Variants in SGSM2 observed in about 807,000 individuals in gnomAD.
The protein encoded by SGSM2 is small G protein signaling modulator 2.
A neutral mutation model predicts 126.6 loss-of-function variants in SGSM2; 89 were observed. That is an observed-to-expected ratio of 0.70 (90% CI 0.59 to 0.84). The LOEUF is 0.84. Ranked by LOEUF, SGSM2 falls within the 40% of genes least tolerant of loss-of-function variation. The probability of loss-of-function intolerance (pLI) is 0.00; values close to 1 mark genes in which losing one functional copy is unlikely to be tolerated. For missense variants in SGSM2, 1,404 were observed against 1,416.6 expected, an observed-to-expected ratio of 0.99 and a Z score of 0.14; for synonymous variants, 614 against 574.3, an observed-to-expected ratio of 1.07 and a Z score of -0.99.
At position 2,371,382 on chromosome 17, in the gene SGSM2, C is replaced by T; in HGVS notation, c.1544C>T (p.Ala515Val). ...LSCSSSSSPH[A>V]TPSHCSCIPD... Reference sequence around the variant, plus strand: ...TGCTCCTCCAGCAGCTCCCCACATGCAACCCCCAGCCACTGTAGCTGCATC... The same window carrying T: ...TGCTCCTCCAGCAGCTCCCCACATGTAACCCCCAGCCACTGTAGCTGCATC... The change falls in exon 13 of 24, where the codon GCA becomes GTA. Residue 515 changes from alanine (A) to valine (V), a missense_variant. Ala to Val is a moderately conservative substitution (Grantham distance 64). Transcript: ENST00000268989. 1.2e-6 allele frequency: 2 copies of T among 1,610,586 alleles called. No individual in the cohort carries two copies. Among genetic ancestry groups the T allele is most frequent in the South Asian group, 1.1e-5 (1 of 90,850 alleles).
chr17:2,347,768 C>G (rs538117493), intron 2 of SGSM2, among the ~76,000 whole-genome samples: 3 of 152,174 alleles, frequency 2.0e-5, no homozygotes, highest in African/African-American at 7.2e-5. Flanking sequence ...TACCACCGCC[C>G]GAGGTCCATA....
chr17:2,347,294 CA>C (rs1294425105), intron 2 of SGSM2, among the ~76,000 whole-genome samples: 2 of 151,798 alleles, frequency 1.3e-5, no homozygotes, highest in Non-Finnish European at 2.9e-5. Context: ...TTAGTAGAGA[CA>C]GGGGTTTCAC....
chr17:2,340,888 G>GT (rs2064341364), intron 1 of SGSM2, among the ~76,000 whole-genome samples: 1 of 152,076 alleles, frequency 6.6e-6, no homozygotes, highest in South Asian at 2.1e-4. Flanking sequence ...CTGGCCCAGT[G>GT]TTTAATTTCT....
At chr17:2,359,316 C>T (rs998720135) in intron 2 of SGSM2, among the ~76,000 whole-genome samples, 2 of 152,188 alleles carry the variant, frequency 1.3e-5, no homozygotes. Flanking sequence ...TGCACACTCT[C>T]GGTGGGGAAC....
At chr17:2,348,882 C>G (rs1336769001) in intron 2 of SGSM2, among the ~76,000 whole-genome samples, 1 of 152,108 alleles carries the variant, frequency 6.6e-6, no homozygotes, top group Admixed American at 6.5e-5. Flanking sequence ...TCACTTCAGC[C>G]TCCTGAGTAG....
Position 2,365,293 on chromosome 17 carries a change from A to G in SGSM2, c.1240A>G (p.Thr414Ala). The G allele has an allele frequency of 6.3e-7, 1 of 1,589,212 alleles. No homozygotes were observed. Among genetic ancestry groups the G allele is most frequent in the Non-Finnish European group, 8.6e-7 (1 of 1,167,388 alleles). Residue 414 changes from threonine (T) to alanine (A), a missense_variant, in exon 11 of 24, where the codon ACC becomes GCC. Physicochemically the swap from Thr to Ala is moderately conservative, Grantham distance 58 (BLOSUM62 0). Transcript: ENST00000268989. ...GGAGGAGATGGGCACGGGGCGGGCC[A>G]CCGACTATGTGTTCCGGATCATCTA... ...DMEEMGTGRA[T>A]DYVFRIIYPG... is the part of the protein sequence containing the mutation.
At chr17:2,352,222 C>T (rs532141849) in intron 2 of SGSM2, among the ~76,000 whole-genome samples, 6 of 152,218 alleles carry the variant, frequency 3.9e-5, no homozygotes, top group South Asian at 2.1e-4. Flanking sequence ...TGCTCCTCTC[C>T]GGCATTGTTG....
chr17:2,351,370 G>C (rs997026613), intron 2 of SGSM2, among the ~76,000 whole-genome samples: 2 of 152,216 alleles, frequency 1.3e-5, no homozygotes, highest in African/African-American at 4.8e-5. Flanking sequence ...GACTAGAGGG[G>C]CGGCGGCATT....
intron 2 of SGSM2, among the ~76,000 whole-genome samples, chr17:2,353,778 C>CATT (rs2064974250): frequency 2.0e-5 from 3 of 147,932 alleles, no homozygotes; most frequent in Admixed American, 1.3e-4. Flanking sequence ...AAAAAAAAAG[C>CATT]GTGCAGTGAA....
chr17:2,368,094 C>T (rs1036412837), intron 12 of SGSM2, among the ~76,000 whole-genome samples: 12 of 152,204 alleles, frequency 7.9e-5, no homozygotes, highest in African/African-American at 2.2e-4. Context: ...CTCACTATCC[C>T]GGAGCTCCGT....
chr17:2,368,102 C>T (rs185888947), intron 12 of SGSM2, among the ~76,000 whole-genome samples: 1 of 152,328 alleles, frequency 6.6e-6, no homozygotes, highest in Admixed American at 6.5e-5. Flanking sequence ...CCCGGAGCTC[C>T]GTCTCTTCAC....
intron 11 of SGSM2, among the ~76,000 whole-genome samples, chr17:2,366,057 G>A (rs1459695082): frequency 1.3e-5 from 2 of 152,116 alleles, no homozygotes; most frequent in East Asian, 3.9e-4. Flanking sequence ...GCTTCTTTTT[G>A]GATGGTGAAT....
chr17:2,364,696 AG>A, intron 9 of SGSM2, 33 bp downstream of exon 9: 4 of 1,612,184 alleles, frequency 2.5e-6, no homozygotes, highest in Non-Finnish European at 3.4e-6. Flanking sequence ...TCGGGTGGGA[AG>A]GGAGAGGCTG....
Position 2,362,917 on chromosome 17 carries a change from AGCACAG to A in SGSM2, c.526+19_526+24del. On this transcript the variant is annotated intron_variant, in intron 5 of 23. Transcript: ENST00000268989. The surrounding 1 kb of genome is among the most constrained non-coding windows in gnomAD (Gnocchi z 4.9). ...GGCCTCTCTTCTAGGTGAGCCTGAG[AGCACAG>A]GCACAGTGGGTACGGGGCAGGTGCT... is the stretch of plus-strand genomic sequence containing the variant. 1 of 1,614,178 alleles carries A rather than the reference AGCACAG, an allele frequency of 6.2e-7. No homozygotes were observed. The highest frequency in any genetic ancestry group is 8.5e-7 in the Non-Finnish European group (1 of 1,180,026).
chr17:2,344,337 C>T (rs549635464), intron 2 of SGSM2, among the ~76,000 whole-genome samples: 1 of 152,330 alleles, frequency 6.6e-6, no homozygotes, highest in African/African-American at 2.4e-5. Flanking sequence ...CTAGGAATTT[C>T]AGCTTCCTCT....
rs1212751163 is a variant in SGSM2 at position 2,376,625 on chromosome 17, G to C, written c.2610-108G>C. The C allele has an allele frequency of 7.3e-6, 9 of 1,229,996 alleles. No homozygotes were observed. The Admixed American group carries it at 1.5e-4, about 21-fold the overall frequency. 76.2% of individuals were successfully genotyped at this position (1,229,996 alleles called of 1,614,324 possible). On this transcript the variant is annotated intron_variant, in intron 19 of 23. Coordinates refer to ENST00000268989, the MANE Select transcript of SGSM2 (RefSeq NM_014853.3). ...GCACAGTACATGCCTTAGGGTCGTG[G>C]AAAGGCTGACTTCTGGGCGGCAGGT... is the stretch of plus-strand genomic sequence containing the variant.
chr17:2,379,573 G>A lies in SGSM2; in HGVS notation c.*53G>A. 1 of 1,580,920 alleles carries A rather than the reference G, an allele frequency of 6.3e-7. No homozygotes were observed. ...AGAGCCTGGGCTCCGGCAGGGAGAG[G>A]TGCAGGGGAGTCACCGCCCAGACCT... On this transcript the variant is annotated 3_prime_UTR_variant, in exon 24 of 24. Coordinates refer to ENST00000268989, the MANE Select transcript of SGSM2 (RefSeq NM_014853.3).
At chr17:2,370,175 C>T (rs2065799296) in intron 12 of SGSM2, among the ~76,000 whole-genome samples, 1 of 152,192 alleles carries the variant, frequency 6.6e-6, no homozygotes, top group African/African-American at 2.4e-5. Flanking sequence ...TGACAGGACT[C>T]CCTCAGCACA....
In SGSM2 at chr17:2,380,762, G is replaced by A; in HGVS notation, c.*1242G>A. 1 of 196,272 alleles carries A rather than the reference G, an allele frequency of 5.1e-6. No individual in the cohort carries two copies. Among genetic ancestry groups the A allele is most frequent in the Non-Finnish European group, 1.0e-5 (1 of 95,622 alleles). 12.2% of individuals were successfully genotyped at this position (196,272 alleles called of 1,614,324 possible). On this transcript the variant is annotated 3_prime_UTR_variant, in exon 24 of 24. Coordinates refer to ENST00000268989, the MANE Select transcript of SGSM2 (RefSeq NM_014853.3). The stretch of plus-strand genomic sequence containing the variant: ...CTAGTCCAGCAGCCACCAAAGTCTG[G>A]CAGACTTTCTGCATTTGAGAAACAT...
Sources: allele counts gnomAD v4.1 joint callset (sites outside exome capture counted in the v4.1 genomes callset), GRCh38; gene constraint gnomAD v4.1.1; non-coding constraint Gnocchi (gnomAD v3.1); transcripts MANE v1.5; gene names NCBI Gene and HGNC (gene_info 2026-07-23, HGNC 2026-07-21).